Variants in CNTN5 observed in about 807,000 individuals in gnomAD.
The protein encoded by CNTN5 is contactin 5, also known as contactin-5.
CNTN5 carries 77 observed loss-of-function variants against 129.1 expected under a neutral mutation model. That is an observed-to-expected ratio of 0.60 (90% CI 0.50 to 0.72). CNTN5 has a LOEUF of 0.72. Among genes scored for constraint, CNTN5 ranks in the 30% least tolerant of loss-of-function variants. The pLI is 0.00. For missense variants in CNTN5, 1,478 were observed against 1,328.8 expected (o/e 1.11, Z -1.75); for synonymous variants, 509 against 465.6 (o/e 1.09, Z -1.20).
At chr11:99,431,143 T>TGAA (rs769928625) in intron 2 of CNTN5, among the ~76,000 whole-genome samples, 6 of 152,082 alleles carry the variant, frequency 3.9e-5, no homozygotes, top group Non-Finnish European at 8.8e-5. Flanking sequence ...GGAGAAAGAC[T>TGAA]GAAACAGCAA....
intron 13 of CNTN5, among the ~76,000 whole-genome samples, chr11:100,094,763 GGAAAGGAAGGAA>G (rs551619511): frequency 2.1e-5 from 2 of 95,036 alleles, no homozygotes; most frequent in African/African-American, 8.4e-5. Flanking sequence ...GAGGGAGGGA[GGAAAGGAAGGAA>G]GGAAGGAAGG....
At chr11:99,216,353 C>T (rs4381339) in intron 1 of CNTN5, among the ~76,000 whole-genome samples, 113,307 of 151,842 alleles carry the variant, frequency 0.75, 42,592 homozygotes, top group East Asian at 0.99. Flanking sequence ...GGTAGAATAA[C>T]ATTTCATTGT....
Position 99,717,737 on chromosome 11 carries a change from G to A in CNTN5, c.56-101807G>A, listed in dbSNP as rs555067043. Among the ~76,000 whole-genome samples the A allele has an allele frequency of 3.9e-5, 6 of 152,036 alleles. 1 individual carries two copies. The South Asian group carries it at 1.2e-3, about 32-fold the overall frequency. On this transcript the variant is annotated intron_variant, in intron 3 of 24. Coordinates refer to ENST00000524871, the MANE Select transcript of CNTN5 (RefSeq NM_014361.4). ...AGAAAAATGTAATACCAAAATCCAGGTCAGGTGTTCTTCAAATGCATATAG... is the reference window on the plus strand; with the variant it reads ...AGAAAAATGTAATACCAAAATCCAGATCAGGTGTTCTTCAAATGCATATAG...
intron 16 of CNTN5, among the ~76,000 whole-genome samples, chr11:100,249,184 T>C (rs896371196): frequency 3.9e-5 from 6 of 152,188 alleles, no homozygotes; most frequent in African/African-American, 1.4e-4. Context: ...TAGTAAGAGC[T>C]TTAAAGATTC....
At chr11:99,184,744 T>C (rs1412471137) in intron 1 of CNTN5, among the ~76,000 whole-genome samples, 1 of 152,038 alleles carries the variant, frequency 6.6e-6, no homozygotes, top group Non-Finnish European at 1.5e-5. Flanking sequence ...ATCTGATTTT[T>C]TTGTGTGTGT....
intron 9 of CNTN5, among the ~76,000 whole-genome samples, chr11:100,031,138 T>C (rs1941688275): frequency 6.6e-6 from 1 of 152,160 alleles, no homozygotes; most frequent in South Asian, 2.1e-4. Flanking sequence ...AGAATGGAGA[T>C]TTTACTTTCT....
At chr11:100,282,432 A>T (rs1283651331) in intron 18 of CNTN5, among the ~76,000 whole-genome samples, 1 of 152,206 alleles carries the variant, frequency 6.6e-6, no homozygotes. Context: ...ACTTTCTCCC[A>T]AACAAATGGA....
At chr11:99,201,343 T>TC (rs1438431176) in intron 1 of CNTN5, among the ~76,000 whole-genome samples, 1 of 127,602 alleles carries the variant, frequency 7.8e-6, no homozygotes, top group East Asian at 2.9e-4. Context: ...CTTCCTTCCT[T>TC]CCTTTCCTTT....
chr11:99,237,445 A>G (rs7925512), intron 1 of CNTN5, among the ~76,000 whole-genome samples: 93,237 of 152,084 alleles, frequency 0.61, 29,326 homozygotes, highest in African/African-American at 0.75. Context: ...CACTGTGGGA[A>G]GCCGAGGTGG....
intron 2 of CNTN5, among the ~76,000 whole-genome samples, chr11:99,344,104 T>C (rs1866643705): frequency 6.6e-6 from 1 of 152,200 alleles, no homozygotes; most frequent in African/African-American, 2.4e-5. Context: ...CCACATCTCC[T>C]CAACTTCAAA....
At chr11:99,908,530 A>C (rs1006940576) in intron 6 of CNTN5, among the ~76,000 whole-genome samples, 1 of 152,080 alleles carries the variant, frequency 6.6e-6, no homozygotes, top group African/African-American at 2.4e-5. Context: ...AAATGAACTT[A>C]GAAGTAAACA....
chr11:99,859,672 G>A (rs932763842), intron 6 of CNTN5, among the ~76,000 whole-genome samples: 1 of 152,084 alleles, frequency 6.6e-6, no homozygotes, highest in Admixed American at 6.5e-5. Flanking sequence ...TTGCTTCAAA[G>A]ACATCTTTCA....
intron 13 of CNTN5, among the ~76,000 whole-genome samples, chr11:100,110,446 G>A (rs1278819894): frequency 6.6e-6 from 1 of 151,308 alleles, no homozygotes; most frequent in Non-Finnish European, 1.5e-5. Context: ...TCTGATACAT[G>A]GTTAAGCAAT....
chr11:99,838,968 G>C (rs1947390990), intron 4 of CNTN5, among the ~76,000 whole-genome samples: 2 of 152,102 alleles, frequency 1.3e-5, no homozygotes, highest in South Asian at 4.1e-4. Context: ...TATCAAAAAA[G>C]TTGTGGACAT....
intron 6 of CNTN5, among the ~76,000 whole-genome samples, chr11:99,865,100 T>C (rs1419179474): frequency 1.3e-5 from 2 of 152,184 alleles, no homozygotes; most frequent in African/African-American, 4.8e-5. Flanking sequence ...TTCCATCTCT[T>C]TGTCTTGAGA....
In CNTN5 at chr11:99,174,247, C is replaced by A. The variant is rs567815005; in HGVS notation, c.-209-151099C>A. ...CTTCTGACCTCAAGTGATCTGCTTG[C>A]CTTGGCCTCCCAAAGTGCTGGGATT... On this transcript the variant is annotated intron_variant, in intron 1 of 24. Transcript: ENST00000524871. Among the ~76,000 whole-genome samples the A allele has an allele frequency of 5.4e-4, 82 of 152,270 alleles. No individual in the cohort carries two copies. The South Asian group carries it at 6.6e-3, about 12-fold the overall frequency.
rs1158763855 is a variant in CNTN5 at position 99,939,358 on chromosome 11, TTG to T, written c.674-17446_674-17445del. ...CAAATAAGTTCTAGAAATACATATT[TTG>T]TTATTTTAAAAACGTGAAAAAATAA... On this transcript the variant is annotated intron_variant, in intron 7 of 24. Transcript: ENST00000524871. 2.0e-4 allele frequency among the ~76,000 whole-genome samples: 30 copies of T among 152,232 alleles called. No homozygotes were observed. The South Asian group carries it at 5.6e-3, about 28-fold the overall frequency.
intron 3 of CNTN5, among the ~76,000 whole-genome samples, chr11:99,707,011 G>A (rs1954785071): frequency 6.6e-6 from 1 of 151,198 alleles, no homozygotes; most frequent in African/African-American, 2.4e-5. Flanking sequence ...CACAGAGCCA[G>A]GATTATTAAA....
chr11:99,490,511 T>G (rs376359080), intron 2 of CNTN5, among the ~76,000 whole-genome samples: 4 of 152,328 alleles, frequency 2.6e-5, no homozygotes, highest in African/African-American at 9.6e-5. Flanking sequence ...TAATAGATTA[T>G]TTTTCAGTGT....
Sources: allele counts gnomAD v4.1 joint callset (sites outside exome capture counted in the v4.1 genomes callset), GRCh38; gene constraint gnomAD v4.1.1; transcripts MANE v1.5; gene names NCBI Gene and HGNC (gene_info 2026-07-23, HGNC 2026-07-21).